LGR6: variants seen among roughly 807,000 people sequenced by gnomAD.
The protein encoded by LGR6 is leucine rich repeat containing G protein-coupled receptor 6.
A neutral mutation model predicts 69.4 loss-of-function variants in LGR6; 45 were observed. The ratio of observed to expected loss-of-function variants is 0.65; its 90% CI spans 0.51 to 0.83. The LOEUF (loss-of-function observed/expected upper bound fraction) is 0.83. LGR6 is among the 40% of genes least tolerant of loss of function. The pLI is 0.00. For missense variants in LGR6, 1,108 were observed against 1,246.7 expected (o/e 0.89, Z 1.68); for synonymous variants, 538 against 555.0 (o/e 0.97, Z 0.43).
intron 10 of LGR6, 59 bp from the exon 11 acceptor site, chr1:202,304,500 T>C: frequency 1.6e-6 from 2 of 1,256,950 alleles, no homozygotes; most frequent in Admixed American, 1.8e-5. Flanking sequence ...TGGAGCGGGG[T>C]GGCTGGGAAT....
intron 6 of LGR6, among the ~76,000 whole-genome samples, chr1:202,285,007 C>T (rs562558387): frequency 6.6e-6 from 1 of 152,322 alleles, no homozygotes; most frequent in South Asian, 2.1e-4. Flanking sequence ...AATCTTCTGG[C>T]CCCAGCTCTC....
rs773744083 is a variant in LGR6, at chr1:202,280,762, G to T, written c.645-19G>T. On this transcript the variant is annotated intron_variant, in intron 5 of 17. Transcript: ENST00000367278. ...GTGCCGTGGGCACCCATTCTGATGCGTCTTTCCTTCCCGTGCAGGCATTTG... is the reference window on the plus strand; with the variant it reads ...GTGCCGTGGGCACCCATTCTGATGCTTCTTTCCTTCCCGTGCAGGCATTTG... The T allele has an allele frequency of 4.3e-6, 7 of 1,613,936 alleles. No individual in the cohort carries two copies. Among genetic ancestry groups the T allele is most frequent in the Non-Finnish European group, 8.5e-7 (1 of 1,179,820 alleles).
Position 202,220,950 on chromosome 1 carries a change from TCA to T in LGR6, c.213-4470_213-4469del, listed in dbSNP as rs1660117301. Among the ~76,000 whole-genome samples the T allele has an allele frequency of 2.6e-5, 4 of 152,324 alleles. No individual in the cohort carries two copies. In the South Asian group the frequency reaches 8.3e-4, roughly 32 times the overall value. ...AATTAGTTTGATTGTGCTGATTATC[TCA>T]CAATGTATACAGAGATTAGATCATC... On this transcript the variant is annotated intron_variant, in intron 1 of 17. Coordinates refer to ENST00000367278, the MANE Select transcript of LGR6 (RefSeq NM_001017403.2).
intron 12 of LGR6, among the ~76,000 whole-genome samples, chr1:202,306,582 G>C (rs1462999786): frequency 6.6e-6 from 1 of 152,192 alleles, no homozygotes; most frequent in Non-Finnish European, 1.5e-5. Context: ...GAGGTGTGGG[G>C]GCCAGTTTGG....
chr1:202,279,642 A>C (rs999373056), intron 5 of LGR6, among the ~76,000 whole-genome samples: 9 of 152,164 alleles, frequency 5.9e-5, no homozygotes, highest in African/African-American at 2.2e-4. Context: ...CTTTGAATAC[A>C]TCTTCAGTCT....
At chr1:202,243,695 A>AC in intron 4 of LGR6, among the ~76,000 whole-genome samples, 1 of 152,064 alleles carries the variant, frequency 6.6e-6, no homozygotes, top group Non-Finnish European at 1.5e-5. Context: ...GCCATGACTG[A>AC]CCTTACCACT....
Position 202,296,716 on chromosome 1 carries a change from C to A in LGR6, c.717-792C>A, listed in dbSNP as rs927669963. The stretch of plus-strand genomic sequence containing the variant: ...GGTCACTTATGGGTCAATATTTTGC[C>A]CCTGGTGCCTAAGCAGTGCTGTTCT... On this transcript the variant is annotated intron_variant, in intron 6 of 17. Coordinates refer to ENST00000367278, the MANE Select transcript of LGR6 (RefSeq NM_001017403.2). 1.2e-4 allele frequency among the ~76,000 whole-genome samples: 19 copies of A among 152,136 alleles called. 1 individual carries two copies. Among genetic ancestry groups the A allele is most frequent in the African/African-American group, 3.4e-4 (14 of 41,422 alleles).
intron 1 of LGR6, among the ~76,000 whole-genome samples, chr1:202,197,675 A>G (rs1284955757): frequency 6.6e-6 from 1 of 152,102 alleles, no homozygotes; most frequent in Non-Finnish European, 1.5e-5. Flanking sequence ...TGAGGGAGGC[A>G]CTTCTCACAT....
chr1:202,301,535 C>T (rs970312264), intron 9 of LGR6, among the ~76,000 whole-genome samples: 12 of 152,330 alleles, frequency 7.9e-5, no homozygotes, highest in African/African-American at 1.4e-4. Flanking sequence ...ATCCTGTTCA[C>T]GGTAGCTTTT....
intron 4 of LGR6, among the ~76,000 whole-genome samples, chr1:202,237,958 A>G (rs1289861707): frequency 6.6e-6 from 1 of 150,876 alleles, no homozygotes; most frequent in Non-Finnish European, 1.5e-5. Flanking sequence ...AAGATCAAAT[A>G]TATAGTCAAT....
At chr1:202,208,824 G>A (rs2147910659) in intron 1 of LGR6, among the ~76,000 whole-genome samples, 1 of 152,302 alleles carries the variant, frequency 6.6e-6, no homozygotes, top group East Asian at 1.9e-4. Flanking sequence ...TGCTGGGGGT[G>A]GGGCTTGGGG....
At chr1:202,229,035 C>T (rs1003617479) in intron 3 of LGR6, among the ~76,000 whole-genome samples, 2 of 152,176 alleles carry the variant, frequency 1.3e-5, no homozygotes, top group Non-Finnish European at 2.9e-5. Context: ...GGGCTGCATT[C>T]ACCCAGAAAG....
At chr1:202,301,110 C>G in intron 8 of LGR6, 54 bp from the exon 9 acceptor site, 1 of 1,527,322 alleles carries the variant, frequency 6.5e-7, no homozygotes, top group Non-Finnish European at 9.1e-7. Flanking sequence ...TGGCCTTAAT[C>G]CCAGCAGAAA....
chr1:202,253,888 C>T (rs1281945845), intron 4 of LGR6, among the ~76,000 whole-genome samples: 4 of 141,878 alleles, frequency 2.8e-5, no homozygotes, highest in Non-Finnish European at 6.1e-5. Context: ...TCACTGCAAG[C>T]TCCGCCTCCC....
At chr1:202,252,946 C>T (rs987249641) in intron 4 of LGR6, among the ~76,000 whole-genome samples, 2 of 152,240 alleles carry the variant, frequency 1.3e-5, no homozygotes, top group Non-Finnish European at 2.9e-5. Context: ...TCTCACCACA[C>T]TCCTTAATTG....
At chr1:202,197,396 C>CA (rs1479559650) in intron 1 of LGR6, 1 of 533,226 alleles carries the variant, frequency 1.9e-6, no homozygotes, top group Non-Finnish European at 3.8e-6. Flanking sequence ...TTCAGATACT[C>CA]ACAATCCTCC....
At chr1:202,201,381 A>T (rs531205339) in intron 1 of LGR6, among the ~76,000 whole-genome samples, 1 of 152,350 alleles carries the variant, frequency 6.6e-6, no homozygotes, top group East Asian at 1.9e-4. Flanking sequence ...ACCAGCGTTT[A>T]TTGAATGATT....
At chr1:202,195,568 G>T (rs1425327756) in intron 1 of LGR6, among the ~76,000 whole-genome samples, 1 of 152,192 alleles carries the variant, frequency 6.6e-6, no homozygotes, top group African/African-American at 2.4e-5. Flanking sequence ...GGGAATAAAG[G>T]TACCAACTGC....
At chr1:202,278,653 A>G (rs1665773267) in intron 5 of LGR6, among the ~76,000 whole-genome samples, 1 of 152,158 alleles carries the variant, frequency 6.6e-6, no homozygotes, top group Non-Finnish European at 1.5e-5. Context: ...TCCAGGGACT[A>G]CAGGATGAGC....
Sources: gnomAD v4.1 joint callset for allele counts (sites outside exome capture counted in the v4.1 genomes callset) on GRCh38, gnomAD v4.1.1 for gene constraint, MANE v1.5 for transcripts, NCBI Gene and HGNC (gene_info 2026-07-23, HGNC 2026-07-21) for gene names.